ZSWIM5: variants seen among roughly 807,000 people sequenced by gnomAD.
The protein encoded by ZSWIM5 is zinc finger SWIM domain-containing protein 5.
ZSWIM5 carries 55 observed loss-of-function variants against 119.6 expected under a neutral mutation model. The observed-to-expected ratio is 0.46, with a 90% confidence interval of 0.37 to 0.58. The LOEUF is 0.58. Among genes scored for constraint, ZSWIM5 ranks in the 20% least tolerant of loss-of-function variants. ZSWIM5 has a pLI of 0.00. For synonymous variants in ZSWIM5, 537 were observed against 606.9 expected (o/e 0.88, Z 1.69); for missense variants, 1,193 against 1,512.8 (o/e 0.79, Z 3.51).
intron 1 of ZSWIM5, among the ~76,000 whole-genome samples, chr1:45,201,095 G>A (rs756165698): frequency 2.4e-4 from 37 of 152,120 alleles, no homozygotes; most frequent in Non-Finnish European, 4.7e-4. Flanking sequence ...AGAATGCCAC[G>A]TGACCACAAA....
chr1:45,075,123 C>G (rs1645248460), intron 2 of ZSWIM5, among the ~76,000 whole-genome samples: 1 of 151,856 alleles, frequency 6.6e-6, no homozygotes, highest in Admixed American at 6.6e-5. Context: ...TGTTTTGTAA[C>G]TTAACATGTG....
chr1:45,025,778 C>T lies in ZSWIM5; in HGVS notation c.2450-4990G>A, dbSNP rs78113375. Among the ~76,000 whole-genome samples the T allele has an allele frequency of 6.5e-3, 995 of 152,258 alleles. 9 individuals are homozygous for T. The highest frequency in any genetic ancestry group is 0.01 in the Admixed American group (157 of 15,296). On this transcript the variant is annotated intron_variant, in intron 11 of 13. Coordinates refer to ENST00000359600, the MANE Select transcript of ZSWIM5 (RefSeq NM_020883.2). ...TTGTGAGCAATATGTACAATCCCTT[C>T]CTTTCCAATATGTACAATCCCTGGC... is the stretch of plus-strand genomic sequence containing the variant.
intron 1 of ZSWIM5, among the ~76,000 whole-genome samples, chr1:45,185,224 C>T (rs1417840672): frequency 6.6e-6 from 1 of 151,378 alleles, no homozygotes; most frequent in Non-Finnish European, 1.5e-5. Flanking sequence ...TGGATCCCTT[C>T]CTTACACCTT....
At chr1:45,100,097 G>A (rs1645429504) in intron 1 of ZSWIM5, among the ~76,000 whole-genome samples, 1 of 152,160 alleles carries the variant, frequency 6.6e-6, no homozygotes. Flanking sequence ...AGGAAAAGAG[G>A]AAATCAAATT....
At chr1:45,058,050 T>C (rs1645132485) in intron 4 of ZSWIM5, among the ~76,000 whole-genome samples, 1 of 152,210 alleles carries the variant, frequency 6.6e-6, no homozygotes, top group Non-Finnish European at 1.5e-5. Context: ...CATTTTTGAT[T>C]TCTCATTGGA....
Position 45,046,634 on chromosome 1 carries a change from A to ATGTGTGTGTGTGTGTG in ZSWIM5, c.1433-3255_1433-3240dup, listed in dbSNP as rs60762459. On this transcript the variant is annotated intron_variant, in intron 5 of 13. Coordinates refer to ENST00000359600, the MANE Select transcript of ZSWIM5 (RefSeq NM_020883.2). ...TTGAGAGGAAAGGTCTGGGCAAGAT[A>ATGTGTGTGTGTGTGTG]TGTGTGTGTGTGTGTGTGTGTGTGT... Among the ~76,000 whole-genome samples the ATGTGTGTGTGTGTGTG allele has an allele frequency of 6.8e-3, 1,004 of 147,500 alleles. 11 individuals are homozygous for ATGTGTGTGTGTGTGTG. The highest frequency in any genetic ancestry group is 0.021 in the African/African-American group (825 of 39,746).
At chr1:45,044,378 A>C (rs1031702531) in intron 5 of ZSWIM5, among the ~76,000 whole-genome samples, 1 of 151,786 alleles carries the variant, frequency 6.6e-6, no homozygotes, top group African/African-American at 2.4e-5. Flanking sequence ...GTTTGAGTCC[A>C]GGAGTTTGAG....
At position 45,197,949 on chromosome 1, in the gene ZSWIM5, G is replaced by A. The variant is rs558701315; in HGVS notation, c.595+7807C>T. Reference sequence around the variant, plus strand: ...ATGGGGCAATGCCCCAAATAAACCAGCAGTTTACAAATGGATAACTCATTT... The same window carrying A: ...ATGGGGCAATGCCCCAAATAAACCAACAGTTTACAAATGGATAACTCATTT... On this transcript the variant is annotated intron_variant, in intron 1 of 13. Transcript: ENST00000359600. Among the ~76,000 whole-genome samples, 9 of 152,328 alleles carry A rather than the reference G, an allele frequency of 5.9e-5. No homozygotes were observed. The East Asian group carries it at 1.7e-3, about 29-fold the overall frequency.
intron 1 of ZSWIM5, among the ~76,000 whole-genome samples, chr1:45,177,616 G>A (rs1645989283): frequency 6.6e-6 from 1 of 152,022 alleles, no homozygotes; most frequent in South Asian, 2.1e-4. Context: ...AGACAATTCG[G>A]GGAGATTGAG....
intron 1 of ZSWIM5, among the ~76,000 whole-genome samples, chr1:45,198,109 T>C (rs1279757026): frequency 3.3e-5 from 5 of 152,162 alleles, no homozygotes; most frequent in African/African-American, 9.7e-5. Flanking sequence ...ACAGACAATA[T>C]CATAGACATC....
chr1:45,113,261 T>C (rs1645528718), intron 1 of ZSWIM5, among the ~76,000 whole-genome samples: 1 of 152,152 alleles, frequency 6.6e-6, no homozygotes, highest in Non-Finnish European at 1.5e-5. Flanking sequence ...GGTTAGATTA[T>C]AAAAAAGAGA....
intron 1 of ZSWIM5, among the ~76,000 whole-genome samples, chr1:45,161,123 C>CTAT (rs1027128912): frequency 1.3e-5 from 2 of 151,748 alleles, no homozygotes; most frequent in African/African-American, 4.8e-5. Flanking sequence ...CGTGCCTGGC[C>CTAT]TATATACCAC....
chr1:45,174,583 A>AG (rs1424095739), intron 1 of ZSWIM5, among the ~76,000 whole-genome samples: 1 of 151,252 alleles, frequency 6.6e-6, no homozygotes, highest in East Asian at 1.9e-4. Context: ...AAAAAAAAAA[A>AG]AAAAAATTAG....
Position 45,073,728 on chromosome 1 carries a change from C to T in ZSWIM5, c.953-13481G>A, listed in dbSNP as rs560844606. On this transcript the variant is annotated intron_variant, in intron 2 of 13. Transcript: ENST00000359600. ...TCCAATTTAAATGCCCCTTATTTCT[C>T]TCTCTTCTTTGCTTGCTCTAGCTAG... 7.9e-5 allele frequency among the ~76,000 whole-genome samples: 12 copies of T among 151,924 alleles called. No homozygotes were observed. The East Asian group carries it at 2.3e-3, about 29-fold the overall frequency.
At chr1:45,180,608 T>C (rs574575205) in intron 1 of ZSWIM5, among the ~76,000 whole-genome samples, 2 of 152,280 alleles carry the variant, frequency 1.3e-5, no homozygotes, top group African/African-American at 4.8e-5. Flanking sequence ...GCTGGAGATC[T>C]GAGAACGGGC....
chr1:45,131,432 T>A (rs1291652392), intron 1 of ZSWIM5, among the ~76,000 whole-genome samples: 3 of 152,064 alleles, frequency 2.0e-5, no homozygotes, highest in Non-Finnish European at 4.4e-5. Context: ...GGCATTTAAA[T>A]CAAAATCACA....
rs115672354 is a variant in ZSWIM5 at position 45,139,256 on chromosome 1, A to C, written c.596-51019T>G. Among the ~76,000 whole-genome samples the C allele has an allele frequency of 6.8e-3, 1,036 of 152,106 alleles. 22 individuals are homozygous for C. The highest frequency in any genetic ancestry group is 0.024 in the African/African-American group (1,004 of 41,514). ...TGGTGCCATGGCACAATCACAGTAC[A>C]TAGCAGCCTTGACCTCTGGGCTCAA... On this transcript the variant is annotated intron_variant, in intron 1 of 13. Transcript: ENST00000359600.
rs1645250049 is a variant in ZSWIM5, at chr1:45,075,353, G to A, written c.952+12528C>T. On this transcript the variant is annotated intron_variant, in intron 2 of 13. Transcript: ENST00000359600. ...TACACTGAGGTCTCTCTATTTAGCT[G>A]TAATAGTATTTGCTCTATATATTTG... Among the ~76,000 whole-genome samples the A allele has an allele frequency of 2.7e-5, 4 of 150,308 alleles. No homozygotes were observed. The South Asian group carries it at 8.3e-4, about 31-fold the overall frequency.
intron 1 of ZSWIM5, among the ~76,000 whole-genome samples, chr1:45,101,732 C>G (rs1645440805): frequency 6.6e-6 from 1 of 152,094 alleles, no homozygotes; most frequent in Admixed American, 6.5e-5. Context: ...GAGTTCATGT[C>G]CTTTGCAGGG....
Sources: gnomAD v4.1 joint callset for allele counts (sites outside exome capture counted in the v4.1 genomes callset) on GRCh38, gnomAD v4.1.1 for gene constraint, MANE v1.5 for transcripts, NCBI Gene and HGNC (gene_info 2026-07-23, HGNC 2026-07-21) for gene names.